WDFY3: variants seen among roughly 807,000 people sequenced by gnomAD.
WDFY3 encodes the protein WD repeat and FYVE domain-containing protein 3.
In WDFY3, 66 loss-of-function variants were observed where a neutral mutation model predicts 409.6. That is an observed-to-expected ratio of 0.16 (90% CI 0.13 to 0.20). The LOEUF is 0.20. Ranked by LOEUF, WDFY3 falls within the 10% of genes least tolerant of loss-of-function variation. The pLI is 1.00. For missense variants in WDFY3, 3,031 were observed against 4,298.1 expected (o/e 0.71, Z 8.24); for synonymous variants, 1,521 against 1,537.1 (o/e 0.99, Z 0.25).
At position 84,690,496 on chromosome 4, in the gene WDFY3, T is replaced by C. The variant is rs1471993014; in HGVS notation, c.9363+10A>G. 2 of 1,613,990 alleles carry C rather than the reference T, an allele frequency of 1.2e-6. No homozygotes were observed. The highest frequency in any genetic ancestry group is 4.5e-5 in the East Asian group (2 of 44,888). On this transcript the variant is annotated intron_variant, in intron 61 of 67. Coordinates refer to ENST00000295888, the MANE Select transcript of WDFY3 (RefSeq NM_014991.6). ...ATGTCCTTCTTGGCATTTTCTATGT[T>C]CTCTCTTACCTGTTTGAGGGTGACG...
chr4:84,702,225 A>G (rs1731172814), intron 56 of WDFY3, 128 bp downstream of exon 56: 1 of 1,046,556 alleles, frequency 9.6e-7, no homozygotes, highest in Admixed American at 2.9e-5. Context: ...ACAGCAAATG[A>G]CTGCAAGAAA....
At chr4:84,857,133 T>G (rs756283113) in intron 4 of WDFY3, among the ~76,000 whole-genome samples, 1 of 152,190 alleles carries the variant, frequency 6.6e-6, no homozygotes, top group Non-Finnish European at 1.5e-5. Context: ...ACTCATTATA[T>G]TAGAGTTTTA....
intron 25 of WDFY3, among the ~76,000 whole-genome samples, chr4:84,782,762 T>C (rs1003144934): frequency 2.0e-5 from 3 of 152,172 alleles, no homozygotes; most frequent in Non-Finnish European, 4.4e-5. Context: ...TATGTAAAAG[T>C]TAGTGGGATT....
At chr4:84,822,690 C>T (rs561305987) in intron 10 of WDFY3, among the ~76,000 whole-genome samples, 13 of 151,988 alleles carry the variant, frequency 8.6e-5, no homozygotes, top group Non-Finnish European at 1.5e-4. Flanking sequence ...TCAGCCTGGG[C>T]GACAGAAAGC....
chr4:84,837,125 G>T, intron 6 of WDFY3, 35 bp from the exon 7 acceptor site: 1 of 1,436,878 alleles, frequency 7.0e-7, no homozygotes, highest in South Asian at 1.7e-5. Context: ...TGAATAGATA[G>T]ACACAACTAT....
At chr4:84,857,441 T>C (rs558559969) in intron 4 of WDFY3, among the ~76,000 whole-genome samples, 1 of 152,316 alleles carries the variant, frequency 6.6e-6, no homozygotes, top group East Asian at 1.9e-4. Flanking sequence ...TTCCCCTAAC[T>C]GCTCTAAACA....
Position 84,798,093 on chromosome 4 carries a change from C to T in WDFY3, c.2838G>A (p.Leu946=). 1 of 1,612,062 alleles carries T rather than the reference C, an allele frequency of 6.2e-7. No individual in the cohort carries two copies. Among genetic ancestry groups the T allele is most frequent in the Non-Finnish European group, 8.5e-7 (1 of 1,179,158 alleles). Residue 946 remains leucine, a synonymous_variant, in exon 18 of 68, where the codon TTG becomes TTA. Transcript: ENST00000295888. ...EPMVLREFLR[L]ASPLNCGAWD... ...AGGCACCACAATTTAAAGGACTTGCCAAACGTAAAAACTCCCTAAGAAAGA... is the reference window on the plus strand; with the variant it reads ...AGGCACCACAATTTAAAGGACTTGCTAAACGTAAAAACTCCCTAAGAAAGA...
chr4:84,957,861 A>G (rs1774438691), intron 1 of WDFY3, among the ~76,000 whole-genome samples: 1 of 152,216 alleles, frequency 6.6e-6, no homozygotes, highest in Admixed American at 6.5e-5. Flanking sequence ...TATTAGTGTT[A>G]CAGTTATTAA....
chr4:84,911,441 C>T (rs753908693), intron 2 of WDFY3, among the ~76,000 whole-genome samples: 35 of 152,176 alleles, frequency 2.3e-4, no homozygotes, highest in Admixed American at 1.3e-3. Context: ...GAGGTATAAT[C>T]GCACCACTAC....
At chr4:84,918,049 A>G (rs1412761030) in intron 2 of WDFY3, among the ~76,000 whole-genome samples, 1 of 152,158 alleles carries the variant, frequency 6.6e-6, no homozygotes, top group Non-Finnish European at 1.5e-5. Context: ...AAAGCTTGAC[A>G]ATAGACTCAC....
chr4:84,693,179 G>A, intron 58 of WDFY3, 147 bp from the exon 59 acceptor site: 1 of 859,146 alleles, frequency 1.2e-6, no homozygotes, highest in Non-Finnish European at 1.7e-6. Flanking sequence ...CGAGGAAAGA[G>A]ATTCAAAGAC....
At chr4:84,963,007 A>G (rs1377382023) in intron 1 of WDFY3, among the ~76,000 whole-genome samples, 1 of 152,116 alleles carries the variant, frequency 6.6e-6, no homozygotes, top group East Asian at 1.9e-4. Context: ...ATGGATGATA[A>G]ATACACCACA....
intron 56 of WDFY3, among the ~76,000 whole-genome samples, chr4:84,697,927 G>T (rs543640368): frequency 2.0e-5 from 3 of 152,058 alleles, no homozygotes; most frequent in African/African-American, 7.2e-5. Context: ...ATGTGATATC[G>T]AGTGGTACAA....
intron 2 of WDFY3, among the ~76,000 whole-genome samples, chr4:84,899,223 T>G (rs371758679): frequency 4.6e-5 from 7 of 152,292 alleles, no homozygotes; most frequent in African/African-American, 1.4e-4. Flanking sequence ...AAAATGAGTA[T>G]GCCTTTTATC....
intron 2 of WDFY3, among the ~76,000 whole-genome samples, chr4:84,921,764 T>C (rs1769317522): frequency 6.8e-6 from 1 of 147,660 alleles, no homozygotes; most frequent in African/African-American, 2.5e-5. Context: ...TTCAAGCAAT[T>C]CTCTGCCTCA....
At chr4:84,922,608 A>T (rs1444829576) in intron 2 of WDFY3, among the ~76,000 whole-genome samples, 4 of 146,128 alleles carry the variant, frequency 2.7e-5, no homozygotes, top group South Asian at 2.2e-4. Context: ...ACAGGAAGAC[A>T]TTTTTTTTTT....
At chr4:84,741,629 T>C in intron 38 of WDFY3, 132 bp downstream of exon 38, 1 of 1,135,206 alleles carries the variant, frequency 8.8e-7, no homozygotes, top group East Asian at 2.7e-5. Context: ...TCTATTCACT[T>C]TTAATAAGCT....
chr4:84,904,294 G>C lies in WDFY3; in HGVS notation c.-131-7284C>G, dbSNP rs190306927. Among the ~76,000 whole-genome samples the C allele has an allele frequency of 4.3e-3, 648 of 152,222 alleles. 5 individuals carry two copies. Among genetic ancestry groups the C allele is most frequent in the Non-Finnish European group, 6.4e-3 (436 of 68,018 alleles). On this transcript the variant is annotated intron_variant, in intron 2 of 67. Transcript: ENST00000295888. ...TCGCTCTTGTTGCCCAGGCTGGAGT[G>C]CAATGGCGCGATCTTAGCTCACTGC...
intron 5 of WDFY3, 37 bp downstream of exon 5, chr4:84,849,865 C>A: frequency 6.2e-7 from 1 of 1,603,722 alleles, no homozygotes; most frequent in South Asian, 1.1e-5. Context: ...CTTGTTCATT[C>A]AAACAAATCA....
Sources: gnomAD v4.1 joint callset for allele counts (sites outside exome capture counted in the v4.1 genomes callset) on GRCh38, gnomAD v4.1.1 for gene constraint, MANE v1.5 for transcripts, NCBI Gene and HGNC (gene_info 2026-07-23, HGNC 2026-07-21) for gene names.